Variants in CHODL observed in about 807,000 individuals in gnomAD.
CHODL encodes transmembrane protein MT75.
A neutral mutation model predicts 34.5 loss-of-function variants in CHODL; 29 were observed. That is an observed-to-expected ratio of 0.84 (90% CI 0.63 to 1.15). The LOEUF (loss-of-function observed/expected upper bound fraction) is 1.15. Among genes scored for constraint, CHODL ranks in the 50% most tolerant of loss-of-function variants. The pLI is 0.00. For missense variants in CHODL, 332 were observed against 332.5 expected (o/e 1.00, Z 0.01); for synonymous variants, 125 against 116.1 (o/e 1.08, Z -0.49).
intron 2 of CHODL, among the ~76,000 whole-genome samples, chr21:18,107,409 G>C (rs536073602): frequency 1.3e-5 from 2 of 152,212 alleles, no homozygotes; most frequent in Non-Finnish European, 2.9e-5. Flanking sequence ...TGCACAGCAG[G>C]GGGGAAAGGC....
At chr21:18,182,805 A>C (rs1238473663) in intron 2 of CHODL, among the ~76,000 whole-genome samples, 1 of 152,194 alleles carries the variant, frequency 6.6e-6, no homozygotes, top group Non-Finnish European at 1.5e-5. Flanking sequence ...AAGGTGCAAA[A>C]AAAATCCCTG....
intron 1 of CHODL, among the ~76,000 whole-genome samples, chr21:18,001,543 G>A (rs1397202574): frequency 1.3e-5 from 2 of 152,166 alleles, no homozygotes; most frequent in Non-Finnish European, 2.9e-5. Context: ...GGATTACTCA[G>A]GGACTGTTGA....
chr21:17,988,495 C>T (rs1275105657), intron 1 of CHODL, among the ~76,000 whole-genome samples: 1 of 140,920 alleles, frequency 7.1e-6, no homozygotes, highest in Non-Finnish European at 1.5e-5. Flanking sequence ...TGTGCTGCAC[C>T]CATTAACTCG....
intron 1 of CHODL, among the ~76,000 whole-genome samples, chr21:18,013,892 C>T (rs1466196862): frequency 6.6e-6 from 1 of 152,014 alleles, no homozygotes. Context: ...ACCTCAGCCT[C>T]CCAAAGTGCT....
chr21:18,035,788 T>C (rs2064301912), intron 2 of CHODL, among the ~76,000 whole-genome samples: 1 of 120,190 alleles, frequency 8.3e-6, no homozygotes, highest in Non-Finnish European at 2.0e-5. Context: ...AAATTCAATT[T>C]GGATCTTCTT....
intron 1 of CHODL, among the ~76,000 whole-genome samples, chr21:18,007,891 TA>T (rs2063975177): frequency 6.6e-6 from 1 of 152,218 alleles, no homozygotes; most frequent in African/African-American, 2.4e-5. Flanking sequence ...AGAATCTTAA[TA>T]TGGAGTTTGG....
chr21:18,035,015 A>G (rs962804735), intron 2 of CHODL, among the ~76,000 whole-genome samples: 1 of 152,024 alleles, frequency 6.6e-6, no homozygotes, highest in Non-Finnish European at 1.5e-5. Flanking sequence ...TCCCATTAAG[A>G]TGGATTGCAG....
intron 2 of CHODL, among the ~76,000 whole-genome samples, chr21:18,115,950 AT>A (rs1184074120): frequency 3.5e-4 from 52 of 147,838 alleles, no homozygotes; most frequent in African/African-American, 6.2e-4. Context: ...GTGGCATTGG[AT>A]TTTTTTTTTT....
chr21:17,980,033 AGTT>A (rs751221107), intron 1 of CHODL, among the ~76,000 whole-genome samples: 5 of 150,730 alleles, frequency 3.3e-5, no homozygotes, highest in Non-Finnish European at 5.9e-5. Context: ...GTGAGCACTG[AGTT>A]GTTGTTTTGG....
chr21:18,024,147 G>C (rs2146429299), intron 1 of CHODL, among the ~76,000 whole-genome samples: 1 of 152,140 alleles, frequency 6.6e-6, no homozygotes, highest in South Asian at 2.1e-4. Context: ...ACAAAAAAAT[G>C]CTCCCCATTT....
intron 1 of CHODL, among the ~76,000 whole-genome samples, chr21:18,251,388 G>GTATTTTATTTA (rs1568957254): frequency 0.017 from 1,127 of 67,504 alleles, 133 homozygotes; most frequent in African/African-American, 0.068. Context: ...TATTTTATTT[G>GTATTTTATTTA]TTTTAATATA....
At chr21:18,133,663 G>C (rs368238624) in intron 2 of CHODL, among the ~76,000 whole-genome samples, 4 of 152,124 alleles carry the variant, frequency 2.6e-5, no homozygotes, top group African/African-American at 7.2e-5. Flanking sequence ...GCAGATTTGC[G>C]TATAGCCCCC....
intron 1 of CHODL, among the ~76,000 whole-genome samples, chr21:17,927,116 G>GTA (rs200152087): frequency 7.5e-6 from 1 of 133,070 alleles, no homozygotes; most frequent in African/African-American, 3.1e-5. Context: ...ATGTATATAT[G>GTA]TATATATGTA....
intron 1 of CHODL, among the ~76,000 whole-genome samples, chr21:18,247,696 G>A (rs2074158934): frequency 6.6e-6 from 1 of 152,058 alleles, no homozygotes; most frequent in African/African-American, 2.4e-5. Flanking sequence ...GATGTGATAT[G>A]ATGATAGTAA....
chr21:17,955,709 T>C (rs2146346152), intron 1 of CHODL, among the ~76,000 whole-genome samples: 1 of 136,704 alleles, frequency 7.3e-6, no homozygotes, highest in African/African-American at 2.5e-5. Context: ...TCAGAAATGA[T>C]GTGCTTTAGG....
Position 17,917,610 on chromosome 21 carries a change from A to G in CHODL, c.-145+210A>G, listed in dbSNP as rs193271583. ...GGTGGGGCCATCTGTAGAGGGATGCAGACAACCCAGGGAAGGACACACCCT... is the reference window on the plus strand; with the variant it reads ...GGTGGGGCCATCTGTAGAGGGATGCGGACAACCCAGGGAAGGACACACCCT... On this transcript the variant is annotated intron_variant, in intron 1 of 6. Transcript: ENST00000400127. Among the ~76,000 whole-genome samples the G allele has an allele frequency of 9.2e-3, 1,201 of 130,636 alleles. 17 individuals carry two copies. The highest frequency in any genetic ancestry group is 0.046 in the African/African-American group (1,114 of 24,166). The allele number at this position is 130,636 out of a possible 152,430, so 85.7% of individuals were successfully genotyped here.
chr21:18,173,513 TC>T (rs2073256100), intron 2 of CHODL, among the ~76,000 whole-genome samples: 1 of 152,186 alleles, frequency 6.6e-6, no homozygotes, highest in Non-Finnish European at 1.5e-5. Flanking sequence ...CTGACTATAT[TC>T]CAAATGACAA....
At chr21:18,260,497 C>A (rs2074367601) in intron 4 of CHODL, among the ~76,000 whole-genome samples, 1 of 152,084 alleles carries the variant, frequency 6.6e-6, no homozygotes, top group Non-Finnish European at 1.5e-5. Flanking sequence ...CAGAGTGGTA[C>A]TAAACTAAGT....
intron 2 of CHODL, among the ~76,000 whole-genome samples, chr21:18,148,863 T>C (rs2072931092): frequency 6.8e-6 from 1 of 146,884 alleles, no homozygotes; most frequent in Non-Finnish European, 1.5e-5. Context: ...CATTTGAATC[T>C]TAATTCAAAA....
Sources: gnomAD v4.1 joint callset for allele counts (sites outside exome capture counted in the v4.1 genomes callset) on GRCh38, gnomAD v4.1.1 for gene constraint, MANE v1.5 for transcripts, NCBI Gene and HGNC (gene_info 2026-07-23, HGNC 2026-07-21) for gene names.